KCND3: variants seen among roughly 807,000 people sequenced by gnomAD.
The protein encoded by KCND3 is A-type voltage-gated potassium channel KCND3.
A neutral mutation model predicts 51.1 loss-of-function variants in KCND3; 9 were observed. That is an observed-to-expected ratio of 0.18 (90% CI 0.11 to 0.31). The LOEUF (loss-of-function observed/expected upper bound fraction) is 0.31. Among genes scored for constraint, KCND3 ranks in the 10% least tolerant of loss-of-function variants. KCND3 has a pLI of 1.00. For synonymous variants in KCND3, 349 were observed against 368.0 expected (o/e 0.95, Z 0.59); for missense variants, 526 against 903.8 (o/e 0.58, Z 5.36).
intron 2 of KCND3, chr1:111,856,868 G>C (rs1370586967): frequency 6.6e-6 from 1 of 152,288 alleles, no homozygotes; most frequent in African/African-American, 2.4e-5. Context: ...AGCAGGGCAG[G>C]AAGAGGGGGA....
intron 5 of KCND3, among the ~76,000 whole-genome samples, chr1:111,778,790 T>C (rs1238613378): frequency 1.3e-5 from 2 of 152,134 alleles, no homozygotes; most frequent in African/African-American, 2.4e-5. Flanking sequence ...ATTCCAGAGC[T>C]TTAATCCCAA....
intron 2 of KCND3, among the ~76,000 whole-genome samples, chr1:111,790,122 C>T (rs1664765763): frequency 6.6e-6 from 1 of 152,104 alleles, no homozygotes; most frequent in African/African-American, 2.4e-5. Flanking sequence ...CTTATAAAAG[C>T]CAGAGGGAGG....
chr1:111,780,777 G>C lies in KCND3; in HGVS notation c.1284C>G (p.Ala428=). ...KRRAQKKARL[A]RIRVAKTGSS... ...TGCCTGTTTTGGCCACACGGATCCT[G>C]GCAAGGCGGGCCTTCTGTGATTGGC... The change falls in exon 4 of 8, where the codon GCC becomes GCG. Residue 428 remains alanine (A), a synonymous_variant. Transcript: ENST00000302127. This position sits in a 1 kb window ranked among gnomAD's most constrained non-coding sequence, Gnocchi z 4.2. The C allele has an allele frequency of 6.2e-7, 1 of 1,613,142 alleles. No homozygotes were observed. Among genetic ancestry groups the C allele is most frequent in the Middle Eastern group, 1.7e-4 (1 of 6,032 alleles).
chr1:111,838,224 C>T (rs1667156189), intron 2 of KCND3, among the ~76,000 whole-genome samples: 1 of 152,226 alleles, frequency 6.6e-6, no homozygotes, highest in South Asian at 2.1e-4. Flanking sequence ...TGGAATTCTT[C>T]TAGATGTCTC....
Position 111,801,467 on chromosome 1 carries a change from G to A in KCND3, c.1107-14361C>T, listed in dbSNP as rs150526788. Among the ~76,000 whole-genome samples the A allele has an allele frequency of 6.4e-4, 98 of 152,272 alleles. No homozygotes were observed. The East Asian group carries it at 7.5e-3, about 12-fold the overall frequency. On this transcript the variant is annotated intron_variant, in intron 2 of 7. Coordinates refer to ENST00000302127, the MANE Select transcript of KCND3 (RefSeq NM_001378969.1). ...CTGAGGTTCAGTCCTGCCTCTCCTC[G>A]CACACCCCTGATTCTGCCTTCTGTG...
intron 2 of KCND3, among the ~76,000 whole-genome samples, chr1:111,795,890 G>C (rs903111845): frequency 1.3e-5 from 2 of 152,226 alleles, no homozygotes; most frequent in African/African-American, 4.8e-5. Context: ...TAACTGGTGT[G>C]AGCTGGTATC....
At chr1:111,867,451 C>A (rs1363738557) in intron 2 of KCND3, among the ~76,000 whole-genome samples, 1 of 152,114 alleles carries the variant, frequency 6.6e-6, no homozygotes, top group Admixed American at 6.5e-5. Flanking sequence ...TGCAGAGCAC[C>A]CCAATCCTGG....
intron 2 of KCND3, among the ~76,000 whole-genome samples, chr1:111,933,598 C>T (rs530181961): frequency 6.6e-6 from 1 of 152,268 alleles, no homozygotes; most frequent in South Asian, 2.1e-4. Flanking sequence ...CTAAATGGAG[C>T]TGGAGAGGCA....
intron 2 of KCND3, among the ~76,000 whole-genome samples, chr1:111,850,612 C>T (rs151203794): frequency 1.3e-5 from 2 of 152,320 alleles, no homozygotes; most frequent in Admixed American, 6.5e-5. Context: ...AGGCATGAAG[C>T]TGTGTGTGAA....
chr1:111,888,944 C>A (rs1370170347), intron 2 of KCND3, among the ~76,000 whole-genome samples: 1 of 152,128 alleles, frequency 6.6e-6, no homozygotes, highest in African/African-American at 2.4e-5. Flanking sequence ...ATCCTCTTGG[C>A]ACTCACCGGG....
chr1:111,982,809 G>A lies in KCND3; in HGVS notation c.-72-11C>T. The A allele has an allele frequency of 6.6e-7, 1 of 1,525,842 alleles. No homozygotes were observed. The highest frequency in any genetic ancestry group is 8.8e-7 in the Non-Finnish European group (1 of 1,137,482). The allele number at this position is 1,525,842 out of a possible 1,614,324, so 94.5% of individuals were successfully genotyped here. A position where few individuals can be genotyped will look rare whatever the true frequency, so the allele number is the denominator to read the frequency against. ...TTAGTTCAGCAAACCCTGGGAGACA[G>A]GAGGGGAGAGAGAGAAGCGGTGAGT... On this transcript the variant is annotated splice_polypyrimidine_tract_variant and intron_variant, in intron 1 of 7. Transcript: ENST00000302127. The surrounding 1 kb of genome is among the most constrained non-coding windows in gnomAD (Gnocchi z 8.5).
At chr1:111,825,560 G>A (rs1666537078) in intron 2 of KCND3, among the ~76,000 whole-genome samples, 1 of 152,164 alleles carries the variant, frequency 6.6e-6, no homozygotes, top group Non-Finnish European at 1.5e-5. Flanking sequence ...TTACAATAAA[G>A]TTTATTTTTT....
chr1:111,979,284 A>G (rs541317162), intron 2 of KCND3, among the ~76,000 whole-genome samples: 98 of 152,346 alleles, frequency 6.4e-4, no homozygotes, highest in South Asian at 4.6e-3. Context: ...CTTGCCCCTT[A>G]ATCTACAGGG....
intron 2 of KCND3, among the ~76,000 whole-genome samples, chr1:111,875,699 T>G (rs1291986848): frequency 6.6e-6 from 1 of 152,206 alleles, no homozygotes; most frequent in East Asian, 1.9e-4. Flanking sequence ...CTCCTCCCCC[T>G]GGGACACTCT....
intron 3 of KCND3, among the ~76,000 whole-genome samples, chr1:111,781,332 A>T (rs1411865177): frequency 6.6e-6 from 1 of 152,184 alleles, no homozygotes; most frequent in Non-Finnish European, 1.5e-5. Context: ...TACTAAGGAA[A>T]TATATGTTTT....
intron 2 of KCND3, among the ~76,000 whole-genome samples, chr1:111,851,792 G>T (rs796723057): frequency 6.6e-6 from 1 of 152,190 alleles, no homozygotes. Context: ...ACCATGAGGC[G>T]GCCGTGGCTA....
chr1:111,858,168 G>A (rs1668174240), intron 2 of KCND3, among the ~76,000 whole-genome samples: 1 of 152,110 alleles, frequency 6.6e-6, no homozygotes, highest in Non-Finnish European at 1.5e-5. Flanking sequence ...GCCCACCAAA[G>A]GCACACATGG....
chr1:111,890,633 G>C lies in KCND3; in HGVS notation c.1106+90988C>G, dbSNP rs561195188. 7.2e-5 allele frequency among the ~76,000 whole-genome samples: 11 copies of C among 152,318 alleles called. No homozygotes were observed. In the East Asian group the frequency reaches 2.1e-3, roughly 29 times the overall value. ...GCATGCAGAGTTTTTAAAGGTGGGA[G>C]ACTAGAAGAGATGGCCAGGGAGTGA... On this transcript the variant is annotated intron_variant, in intron 2 of 7. Coordinates refer to ENST00000302127, the MANE Select transcript of KCND3 (RefSeq NM_001378969.1).
chr1:111,778,301 C>T (rs1052475248), intron 6 of KCND3, 135 bp downstream of exon 6: 16 of 845,342 alleles, frequency 1.9e-5, no homozygotes, highest in Non-Finnish European at 3.1e-5. Flanking sequence ...CTGGGTGTGA[C>T]AGCAGAGGTA....
Sources: gnomAD v4.1 joint callset for allele counts (sites outside exome capture counted in the v4.1 genomes callset) on GRCh38, gnomAD v4.1.1 for gene constraint, Gnocchi (gnomAD v3.1) non-coding constraint, MANE v1.5 for transcripts, NCBI Gene and HGNC (gene_info 2026-07-23, HGNC 2026-07-21) for gene names.